The following SLC13A2 variants were observed in gnomAD, a reference collection of about 807,000 sequenced individuals.
SLC13A2 encodes Na(+)-coupled citrate transporter.
SLC13A2 carries 40 observed loss-of-function variants against 58.5 expected under a neutral mutation model. The ratio of observed to expected loss-of-function variants is 0.68; its 90% CI spans 0.53 to 0.89. The LOEUF (loss-of-function observed/expected upper bound fraction) is 0.89, where lower values mean the gene tolerates loss of function less well. Among genes scored for constraint, SLC13A2 ranks in the 40% least tolerant of loss-of-function variants. SLC13A2 has a pLI of 0.00. For synonymous variants in SLC13A2, 341 were observed against 331.6 expected (o/e 1.03, Z -0.31); for missense variants, 694 against 772.6 (o/e 0.90, Z 1.21).
chr17:28,488,988 A>T (rs917518764), intron 1 of SLC13A2, among the ~76,000 whole-genome samples: 1 of 152,172 alleles, frequency 6.6e-6, no homozygotes, highest in Non-Finnish European at 1.5e-5. Flanking sequence ...GCTGGCTTGT[A>T]ATGTCTGGGC....
chr17:28,493,379 A>G (rs782121040), intron 6 of SLC13A2, among the ~76,000 whole-genome samples, 192 bp from the exon 7 acceptor site: 2 of 152,166 alleles, frequency 1.3e-5, no homozygotes, highest in Non-Finnish European at 2.9e-5. Flanking sequence ...CCAAGCATGG[A>G]GAATAAGCAA....
chr17:28,489,734 T>C (rs1156633226), intron 2 of SLC13A2, among the ~76,000 whole-genome samples: 5 of 152,330 alleles, frequency 3.3e-5, no homozygotes, highest in African/African-American at 1.2e-4. Context: ...TCTGATTCGG[T>C]AGATCTGGGG....
At position 28,496,942 on chromosome 17, in the gene SLC13A2, G is replaced by T. The variant is rs1266828610; in HGVS notation, c.1609-157G>T. Reference sequence around the variant, plus strand: ...GTTAGCACAGGGAGTAAAGCAAGGGGCAAAGGCATTGGCTATGCTGCAGGT... The same window carrying T: ...GTTAGCACAGGGAGTAAAGCAAGGGTCAAAGGCATTGGCTATGCTGCAGGT... On this transcript the variant is annotated intron_variant, in intron 11 of 11. Coordinates refer to ENST00000314669, the MANE Select transcript of SLC13A2 (RefSeq NM_003984.4). The surrounding 1 kb of genome is among the most constrained non-coding windows in gnomAD (Gnocchi z 4.2). Among the ~76,000 whole-genome samples the T allele has an allele frequency of 2.0e-5, 3 of 152,200 alleles. No homozygotes were observed. The East Asian group carries it at 5.8e-4, about 29-fold the overall frequency.
chr17:28,490,039 C>T (rs187437082), intron 2 of SLC13A2, among the ~76,000 whole-genome samples: 1 of 152,254 alleles, frequency 6.6e-6, no homozygotes, highest in East Asian at 1.9e-4. Flanking sequence ...TTTAGGGGGC[C>T]AAGGCGGGTG....
At chr17:28,495,038 G>A (rs77721090) in intron 9 of SLC13A2, among the ~76,000 whole-genome samples, 2,934 of 152,230 alleles carry the variant, frequency 0.019, 87 homozygotes, top group African/African-American at 0.066. Context: ...GTCAGGGATC[G>A]GTGCAGGGGA....
intron 1 of SLC13A2, among the ~76,000 whole-genome samples, chr17:28,486,176 A>G (rs1158827161): frequency 2.0e-5 from 3 of 152,210 alleles, no homozygotes; most frequent in Non-Finnish European, 4.4e-5. Context: ...TTGGTATAAT[A>G]ACTACCAAAA....
At chr17:28,489,128 G>A in intron 1 of SLC13A2, 86 bp from the exon 2 acceptor site, 1 of 1,496,882 alleles carries the variant, frequency 6.7e-7, no homozygotes, top group Non-Finnish European at 9.1e-7. Context: ...AGTCACAAAT[G>A]GCCTGGTTTG....
intron 1 of SLC13A2, among the ~76,000 whole-genome samples, chr17:28,478,157 G>C (rs1260581732): frequency 2.0e-5 from 3 of 152,188 alleles, no homozygotes; most frequent in Non-Finnish European, 2.9e-5. Context: ...GAAGCAATTT[G>C]CTTAAAGTCC....
chr17:28,482,549 C>A (rs1232048863), intron 1 of SLC13A2, among the ~76,000 whole-genome samples: 2 of 152,166 alleles, frequency 1.3e-5, no homozygotes, highest in Non-Finnish European at 2.9e-5. Flanking sequence ...ATTTTTTAAA[C>A]CGCGTGTGGT....
In SLC13A2 at chr17:28,490,268, T is replaced by C. The variant is rs138990118; in HGVS notation, c.232-186T>C. ...CAGCCTGGGCAACAGAGCCAGACCCTGTCTCCAAAAAGTTAAATTTATTTT... is the reference window on the plus strand; with the variant it reads ...CAGCCTGGGCAACAGAGCCAGACCCCGTCTCCAAAAAGTTAAATTTATTTT... On this transcript the variant is annotated intron_variant, in intron 2 of 11. Transcript: ENST00000314669. 386 of 1,529,446 alleles carry C rather than the reference T, an allele frequency of 2.5e-4. 2 individuals carry two copies. In the East Asian group the frequency reaches 8.8e-3, roughly 35 times the overall value. 94.7% of individuals were successfully genotyped at this position (1,529,446 alleles called of 1,614,324 possible).
chr17:28,485,763 G>A (rs1359888934), intron 1 of SLC13A2, among the ~76,000 whole-genome samples: 1 of 151,744 alleles, frequency 6.6e-6, no homozygotes, highest in Non-Finnish European at 1.5e-5. Flanking sequence ...GAGGTGGGAG[G>A]ATCACTTGAA....
At chr17:28,474,223 AAGG>A (rs2068634020) in intron 1 of SLC13A2, among the ~76,000 whole-genome samples, 1 of 152,078 alleles carries the variant, frequency 6.6e-6, no homozygotes, top group Admixed American at 6.6e-5. Flanking sequence ...AGAGGGTTGG[AAGG>A]AGAATAGGAG....
intron 1 of SLC13A2, among the ~76,000 whole-genome samples, chr17:28,480,106 A>G (rs1555600784): frequency 6.6e-6 from 1 of 151,418 alleles, no homozygotes; most frequent in Non-Finnish European, 1.5e-5. Context: ...ATGAGCCAAG[A>G]TCACGCCACT....
At chr17:28,484,857 C>G (rs2068847764) in intron 1 of SLC13A2, among the ~76,000 whole-genome samples, 1 of 152,150 alleles carries the variant, frequency 6.6e-6, no homozygotes, top group South Asian at 2.1e-4. Context: ...GCAGGAGACC[C>G]AGGGTCTGCC....
At chr17:28,489,015 CA>C (rs1229275974) in intron 1 of SLC13A2, among the ~76,000 whole-genome samples, 198 bp from the exon 2 acceptor site, 9 of 152,202 alleles carry the variant, frequency 5.9e-5, no homozygotes, top group Non-Finnish European at 1.3e-4. Context: ...GGGTCAAAGA[CA>C]AGGTGATATT....
At chr17:28,479,125 G>A (rs990873827) in intron 1 of SLC13A2, among the ~76,000 whole-genome samples, 28 of 152,044 alleles carry the variant, frequency 1.8e-4, no homozygotes, top group Admixed American at 8.5e-4. Context: ...GAGGCAGGAG[G>A]ATCACTTGAG....
Position 28,496,383 on chromosome 17 carries a change from G to A in SLC13A2, c.1471-67G>A. On this transcript the variant is annotated intron_variant, in intron 10 of 11. Coordinates refer to ENST00000314669, the MANE Select transcript of SLC13A2 (RefSeq NM_003984.4). This position sits in a 1 kb window ranked among gnomAD's most constrained non-coding sequence, Gnocchi z 4.2. ...TGTTCCCCAGAGAAGCAGGAGAATT[G>A]GGGGCCATGCCCCTCCCTCTGGCTT... The A allele has an allele frequency of 6.6e-7, 1 of 1,524,640 alleles. No homozygotes were observed. Among genetic ancestry groups the A allele is most frequent in the Non-Finnish European group, 8.8e-7 (1 of 1,132,562 alleles). 94.4% of individuals were successfully genotyped at this position (1,524,640 alleles called of 1,614,324 possible).
intron 1 of SLC13A2, among the ~76,000 whole-genome samples, chr17:28,477,034 C>G (rs1555600062): frequency 6.6e-6 from 1 of 151,766 alleles, no homozygotes; most frequent in Admixed American, 6.6e-5. Context: ...GTGGTGCACA[C>G]CTGTAATCCC....
chr17:28,494,175 C>A lies in SLC13A2; in HGVS notation c.1186+70C>A. 1 of 1,510,320 alleles carries A rather than the reference C, an allele frequency of 6.6e-7. No individual in the cohort carries two copies. The highest frequency in any genetic ancestry group is 9.2e-7 in the Non-Finnish European group (1 of 1,088,520). The allele number at this position is 1,510,320 out of a possible 1,614,324, so 93.6% of individuals were successfully genotyped here. ...TGCCTTCAAGTATGTAATGTACCTT[C>A]CACCACACTTGGCAGGAGTAGGCAA... On this transcript the variant is annotated intron_variant, in intron 8 of 11. Coordinates refer to ENST00000314669, the MANE Select transcript of SLC13A2 (RefSeq NM_003984.4). The surrounding 1 kb of genome is among the most constrained non-coding windows in gnomAD (Gnocchi z 4.0).
Sources: allele counts gnomAD v4.1 joint callset (sites outside exome capture counted in the v4.1 genomes callset), GRCh38; gene constraint gnomAD v4.1.1; non-coding constraint Gnocchi (gnomAD v3.1); transcripts MANE v1.5; gene names NCBI Gene and HGNC (gene_info 2026-07-23, HGNC 2026-07-21).